The following NSD3 variants were observed in gnomAD, a reference collection of about 807,000 sequenced individuals.
NSD3 encodes the protein nuclear receptor binding SET domain protein 3.
In NSD3, 24 loss-of-function variants were observed where a neutral mutation model predicts 160.8. The ratio of observed to expected loss-of-function variants is 0.15; its 90% CI spans 0.11 to 0.21. The LOEUF (loss-of-function observed/expected upper bound fraction) is 0.21. Among genes scored for constraint, NSD3 ranks in the 10% least tolerant of loss-of-function variants. NSD3 has a pLI of 1.00. For missense variants in NSD3, 1,157 were observed against 1,735.9 expected, an observed-to-expected ratio of 0.67 and a Z score of 5.93; for synonymous variants, 520 against 600.0, an observed-to-expected ratio of 0.87 and a Z score of 1.95.
Position 38,270,459 on chromosome 8 carries a change from C to T in NSD3, c.*5182G>A, listed in dbSNP as rs886515277. 1 of 152,154 alleles carries T rather than the reference C, an allele frequency of 6.6e-6. No homozygotes were observed. The highest frequency in any genetic ancestry group is 6.5e-5 in the Admixed American group (1 of 15,274). 9.4% of individuals were successfully genotyped at this position (152,154 alleles called of 1,614,324 possible). ...CTTGTATATAAAAAATGATATTAGC[C>T]AGTTGTAATACTCATTTAGCATCTT... On this transcript the variant is annotated 3_prime_UTR_variant, in exon 24 of 24. Transcript: ENST00000317025.
chr8:38,377,404 G>A (rs750453795), intron 1 of NSD3, among the ~76,000 whole-genome samples: 10 of 152,106 alleles, frequency 6.6e-5, no homozygotes, highest in Admixed American at 1.3e-4. Context: ...GCTAGAGTGC[G>A]GTGGCGCAAT....
intron 1 of NSD3, among the ~76,000 whole-genome samples, chr8:38,378,486 C>CA (rs1427135467): frequency 6.6e-6 from 1 of 152,076 alleles, no homozygotes; most frequent in Non-Finnish European, 1.5e-5. Flanking sequence ...CTAAAAAATA[C>CA]AAAAAATTAG....
intron 1 of NSD3, among the ~76,000 whole-genome samples, chr8:38,357,118 CAAAAAAAAA>C (rs966483645): frequency 0.032 from 691 of 21,290 alleles, 8 homozygotes; most frequent in South Asian, 0.13. Flanking sequence ...GACACCATCT[CAAAAAAAAA>C]AAAAAAAAAA....
chr8:38,309,589 G>C (rs1809486446), intron 12 of NSD3, among the ~76,000 whole-genome samples: 1 of 152,138 alleles, frequency 6.6e-6, no homozygotes, highest in Non-Finnish European at 1.5e-5. Flanking sequence ...GGAGGTCAAG[G>C]CTGCAGGGAG....
chr8:38,374,888 C>A (rs1415782653), intron 1 of NSD3, among the ~76,000 whole-genome samples: 2 of 152,048 alleles, frequency 1.3e-5, no homozygotes, highest in African/African-American at 4.8e-5. Flanking sequence ...CCTGTAGTCC[C>A]AGCTACTCGG....
chr8:38,358,614 G>A (rs924028945), intron 1 of NSD3, among the ~76,000 whole-genome samples: 1 of 152,060 alleles, frequency 6.6e-6, no homozygotes, highest in Non-Finnish European at 1.5e-5. Flanking sequence ...TTTAAACGCA[G>A]TACATAAAGA....
In NSD3 at chr8:38,277,523, G is replaced by A. The variant is rs187614128; in HGVS notation, c.3867+783C>T. On this transcript the variant is annotated intron_variant, in intron 22 of 23. Coordinates refer to ENST00000317025, the MANE Select transcript of NSD3 (RefSeq NM_023034.2). Reference sequence around the variant, plus strand: ...AAAACTCCTGACCTTGTGATCCACCGGCCTCAGCCTCCCAAAGTGCTGGGA... The same window carrying A: ...AAAACTCCTGACCTTGTGATCCACCAGCCTCAGCCTCCCAAAGTGCTGGGA... 1.7e-3 allele frequency among the ~76,000 whole-genome samples: 250 copies of A among 151,494 alleles called. 2 individuals carry two copies. The highest frequency in any genetic ancestry group is 5.7e-3 in the African/African-American group (234 of 41,292).
intron 19 of NSD3, among the ~76,000 whole-genome samples, chr8:38,282,541 C>T (rs1414169018): frequency 6.6e-6 from 1 of 152,116 alleles, no homozygotes; most frequent in East Asian, 1.9e-4. Flanking sequence ...CGTGGTGGCA[C>T]ATGCCTGTAA....
rs1213479421 is a variant in NSD3, at chr8:38,350,153, C to T, written c.-44-1938G>A. Reference sequence around the variant, plus strand: ...TACTGCCGCGATAAACATATGTGTGCGTGTGTCTTTATAGCAGCATCATTT... The same window carrying T: ...TACTGCCGCGATAAACATATGTGTGTGTGTGTCTTTATAGCAGCATCATTT... On this transcript the variant is annotated intron_variant, in intron 1 of 23. Coordinates refer to ENST00000317025, the MANE Select transcript of NSD3 (RefSeq NM_023034.2). Among the ~76,000 whole-genome samples the T allele has an allele frequency of 1.5e-4, 23 of 152,092 alleles. 1 individual carries two copies. Among genetic ancestry groups the T allele is most frequent in the Admixed American group, 1.4e-3 (22 of 15,268 alleles).
At chr8:38,375,156 A>C (rs534398876) in intron 1 of NSD3, among the ~76,000 whole-genome samples, 1 of 152,332 alleles carries the variant, frequency 6.6e-6, no homozygotes, top group Admixed American at 6.5e-5. Context: ...TTATCTTTCC[A>C]TGCTACACAT....
chr8:38,281,843 C>T (rs145702439), intron 19 of NSD3, among the ~76,000 whole-genome samples: 1 of 152,108 alleles, frequency 6.6e-6, no homozygotes, highest in African/African-American at 2.4e-5. Context: ...TGGGGCATTG[C>T]TGGGATCTGG....
chr8:38,376,621 G>A (rs1811394490), intron 1 of NSD3, among the ~76,000 whole-genome samples: 2 of 152,110 alleles, frequency 1.3e-5, no homozygotes, highest in African/African-American at 4.8e-5. Context: ...ATTTTTAGTA[G>A]AGACGGGGTT....
intron 20 of NSD3, chr8:38,280,065 G>A: frequency 5.9e-6 from 1 of 168,770 alleles, no homozygotes; most frequent in Admixed American, 5.9e-5. Flanking sequence ...CAAGCAGGAA[G>A]CAAAACTAGT....
chr8:38,348,540 G>C (rs919842457), intron 1 of NSD3, among the ~76,000 whole-genome samples: 3 of 152,176 alleles, frequency 2.0e-5, no homozygotes, highest in African/African-American at 7.2e-5. Context: ...GGTTAAAACT[G>C]GTGTTTGCAA....
At chr8:38,286,647 A>T (rs1378563018) in intron 19 of NSD3, among the ~76,000 whole-genome samples, 1 of 152,308 alleles carries the variant, frequency 6.6e-6, no homozygotes, top group East Asian at 1.9e-4. Flanking sequence ...AATCCTCCAG[A>T]TGTTCCCCAT....
chr8:38,366,189 T>C (rs926681539), intron 1 of NSD3, among the ~76,000 whole-genome samples: 2 of 151,624 alleles, frequency 1.3e-5, no homozygotes, highest in Admixed American at 6.6e-5. Context: ...CGGCAATCTA[T>C]AGTCTGCTAG....
At chr8:38,331,243 A>G (rs1341981805) in intron 5 of NSD3, among the ~76,000 whole-genome samples, 188 bp downstream of exon 5, 4 of 152,346 alleles carry the variant, frequency 2.6e-5, no homozygotes, top group Non-Finnish European at 5.9e-5. Context: ...TACGTCGTTT[A>G]TATGACATAT....
At chr8:38,305,138 G>C (rs1441280749) in intron 13 of NSD3, 110 bp downstream of exon 13, 6 of 1,086,952 alleles carry the variant, frequency 5.5e-6, no homozygotes, top group South Asian at 1.6e-5. Flanking sequence ...GTTAAAGCTA[G>C]AGATACACAG....
At chr8:38,281,873 C>G (rs1204553042) in intron 19 of NSD3, among the ~76,000 whole-genome samples, 1 of 152,144 alleles carries the variant, frequency 6.6e-6, no homozygotes, top group Non-Finnish European at 1.5e-5. Flanking sequence ...TAACTCTAGC[C>G]TTTGAAGCTA....
Sources: gnomAD v4.1 joint callset for allele counts (sites outside exome capture counted in the v4.1 genomes callset) on GRCh38, gnomAD v4.1.1 for gene constraint, MANE v1.5 for transcripts, NCBI Gene and HGNC (gene_info 2026-07-23, HGNC 2026-07-21) for gene names.